Variants in DNAI2 observed in about 807,000 individuals in gnomAD.
DNAI2 encodes the protein dynein axonemal intermediate chain 2, also known as dynein, axonemal, intermediate polypeptide 2.
DNAI2 carries 63 observed loss-of-function variants against 74.7 expected under a neutral mutation model. That is an observed-to-expected ratio of 0.84 (90% CI 0.69 to 1.04). DNAI2 has a LOEUF of 1.04. Ranked by LOEUF, DNAI2 falls within the 50% of genes least tolerant of loss-of-function variation. DNAI2 has a pLI of 0.00. For missense variants in DNAI2, 688 were observed against 803.2 expected, an observed-to-expected ratio of 0.86 and a Z score of 1.73; for synonymous variants, 289 against 314.9, an observed-to-expected ratio of 0.92 and a Z score of 0.87.
At chr17:74,307,289 G>A (rs1438105667) in intron 9 of DNAI2, 2 of 456,168 alleles carry the variant, frequency 4.4e-6, no homozygotes, top group Non-Finnish European at 8.8e-6. Flanking sequence ...GGTTCCTAGA[G>A]GGACTTGGTG....
rs1448362611 is a variant in DNAI2 at position 74,299,718 on chromosome 17, C to T, written c.725C>T (p.Ala242Val). The change falls in exon 7 of 14, where the codon GCC (alanine) becomes GTC (valine). Residue 242 changes from alanine (A) to valine (V), a missense_variant and splice_region_variant. By Grantham distance (64) the Ala-to-Val change is moderately conservative (BLOSUM62 0). Coordinates refer to ENST00000311014, the MANE Select transcript of DNAI2 (RefSeq NM_023036.6). ...LLGGCYNGQI[A>V]CWDTRKGSLV... ...CCTTCTTCATCTCCTTCCTCACCAGCCTGCTGGGACACCCGAAAGGGCAGC... is the reference window on the plus strand; with the variant it reads ...CCTTCTTCATCTCCTTCCTCACCAGTCTGCTGGGACACCCGAAAGGGCAGC... The T allele has an allele frequency of 4.3e-6, 7 of 1,613,532 alleles. No individual in the cohort carries two copies. Among genetic ancestry groups the T allele is most frequent in the Non-Finnish European group, 5.9e-6 (7 of 1,180,034 alleles).
At position 74,281,706 on chromosome 17, in the gene DNAI2, C is replaced by T. The variant is rs1250008353; in HGVS notation, c.-11-101C>T. On this transcript the variant is annotated intron_variant, in intron 1 of 13. Transcript: ENST00000311014. ...CTCCCCACCACCCCTTGCTTCCTGC[C>T]CCAACCAGATTGAGAACCTGGAGCT... is the stretch of plus-strand genomic sequence containing the variant. 2.5e-6 allele frequency: 3 copies of T among 1,221,404 alleles called. No individual in the cohort carries two copies. The African/African-American group carries it at 4.5e-5, about 18-fold the overall frequency. The allele number at this position is 1,221,404 out of a possible 1,614,324, so 75.7% of individuals were successfully genotyped here.
At chr17:74,294,168 C>T (rs377451242) in intron 6 of DNAI2, among the ~76,000 whole-genome samples, 2 of 150,886 alleles carry the variant, frequency 1.3e-5, no homozygotes, top group East Asian at 3.9e-4. Context: ...AATTTAATTA[C>T]TGATAAAGTT....
At chr17:74,305,500 G>C in intron 9 of DNAI2, 58 bp downstream of exon 9, 1 of 1,522,392 alleles carries the variant, frequency 6.6e-7, no homozygotes, top group South Asian at 1.1e-5. Context: ...GATGGAGGGA[G>C]CCCAGCTGGG....
At chr17:74,292,409 CT>C (rs2052164673) in intron 6 of DNAI2, among the ~76,000 whole-genome samples, 1 of 115,446 alleles carries the variant, frequency 8.7e-6, no homozygotes, top group Non-Finnish European at 1.7e-5. Context: ...TAATCATTTT[CT>C]TTTTCTTTTT....
rs200358267 is a variant in DNAI2, at chr17:74,285,175, G to T, written c.319G>T (p.Val107Phe). The T allele has an allele frequency of 1.2e-6, 2 of 1,614,076 alleles. No individual in the cohort carries two copies. The highest frequency in any genetic ancestry group is 2.7e-5 in the African/African-American group (2 of 74,930). ...GAAAGTGGAGAAAGATGAGAACTAC[G>T]TTAACGCCATCATGCAGCTCGGCTC... ...RKKVEKDENYVNAIMQLGSIM... is the reference protein window; with the variant it reads ...RKKVEKDENYFNAIMQLGSIM... The change falls in exon 3 of 14, where the codon GTT (valine) becomes TTT (phenylalanine). Residue 107 changes from valine (V) to phenylalanine (F), a missense_variant. Val to Phe is a conservative substitution (Grantham distance 50). Transcript: ENST00000311014.
At chr17:74,283,962 AC>A (rs1158979032) in intron 2 of DNAI2, among the ~76,000 whole-genome samples, 1 of 151,932 alleles carries the variant, frequency 6.6e-6, no homozygotes, top group Admixed American at 6.6e-5. Context: ...ACATGGTGAA[AC>A]CCCGTCTCTA....
In DNAI2 at chr17:74,289,589, T is replaced by C. The variant is rs1460488048; in HGVS notation, c.468-5T>C. On this transcript the variant is annotated splice_region_variant and splice_polypyrimidine_tract_variant and intron_variant, in intron 4 of 13. Coordinates refer to ENST00000311014, the MANE Select transcript of DNAI2 (RefSeq NM_023036.6). ...GCCTTCTGCTCTCTTCCCTCTCCCC[T>C]GCAGGGACCCCCAGGAAATCAAGAG... The C allele has an allele frequency of 5.0e-6, 8 of 1,612,852 alleles. No individual in the cohort carries two copies. Among genetic ancestry groups the C allele is most frequent in the African/African-American group, 1.3e-5 (1 of 74,616 alleles).
intron 1 of DNAI2, among the ~76,000 whole-genome samples, chr17:74,280,835 C>T (rs1223684996): frequency 6.6e-6 from 1 of 151,974 alleles, no homozygotes; most frequent in Non-Finnish European, 1.5e-5. Flanking sequence ...ACCTGTAATC[C>T]CAGCACTTTG....
chr17:74,295,324 C>T (rs777295125), intron 6 of DNAI2, among the ~76,000 whole-genome samples: 73 of 151,472 alleles, frequency 4.8e-4, no homozygotes, highest in Non-Finnish European at 4.3e-4. Context: ...ATTGCTTGAA[C>T]CCAGGAGGCA....
chr17:74,282,899 A>G (rs1422535989), intron 2 of DNAI2, among the ~76,000 whole-genome samples: 3 of 152,178 alleles, frequency 2.0e-5, no homozygotes, highest in Non-Finnish European at 4.4e-5. Context: ...CACAGTTCAA[A>G]TGAATTAGGT....
chr17:74,277,708 A>G lies in DNAI2; in HGVS notation c.-12+3363A>G, dbSNP rs2051181328. Among the ~76,000 whole-genome samples, 3 of 152,316 alleles carry G rather than the reference A, an allele frequency of 2.0e-5. 1 individual carries two copies. Among genetic ancestry groups the G allele is most frequent in the South Asian group, 4.1e-4 (2 of 4,832 alleles). On this transcript the variant is annotated intron_variant, in intron 1 of 13. Coordinates refer to ENST00000311014, the MANE Select transcript of DNAI2 (RefSeq NM_023036.6). ...AGGCGGGAGAGGGTAGGTAAGACAC[A>G]GGTCTGGTAGTCATGTTCACCTAGG...
intron 1 of DNAI2, among the ~76,000 whole-genome samples, chr17:74,277,668 G>T (rs1210663787): frequency 6.6e-6 from 1 of 152,250 alleles, no homozygotes; most frequent in African/African-American, 2.4e-5. Flanking sequence ...CTGGTCTGGT[G>T]CCTTGTAGCC....
At chr17:74,281,010 C>T (rs2051355614) in intron 1 of DNAI2, among the ~76,000 whole-genome samples, 1 of 143,722 alleles carries the variant, frequency 7.0e-6, no homozygotes, top group African/African-American at 2.7e-5. Flanking sequence ...ATCACTTGAG[C>T]CCGGGGGTTG....
intron 1 of DNAI2, among the ~76,000 whole-genome samples, chr17:74,277,837 G>A (rs2051186640): frequency 6.6e-6 from 1 of 152,230 alleles, no homozygotes; most frequent in African/African-American, 2.4e-5. Flanking sequence ...GAAGATCCCA[G>A]GTTTCAGAAA....
chr17:74,307,657 C>T lies in DNAI2; in HGVS notation c.1212-1596C>T, dbSNP rs577659287. Among the ~76,000 whole-genome samples, 141 of 150,604 alleles carry T rather than the reference C, an allele frequency of 9.4e-4. 1 individual carries two copies. The highest frequency in any genetic ancestry group is 3.3e-3 in the African/African-American group (135 of 40,988). The stretch of plus-strand genomic sequence containing the variant: ...CAGCCTGGGCGACAGAGTGAGACTC[C>T]GTCTCAAAAAAAAATAATATTTGGC... On this transcript the variant is annotated intron_variant, in intron 9 of 13. Transcript: ENST00000311014.
intron 3 of DNAI2, among the ~76,000 whole-genome samples, chr17:74,286,715 G>A (rs148391075): frequency 1.1e-3 from 171 of 152,196 alleles, no homozygotes; most frequent in African/African-American, 3.6e-3. Context: ...GTGAGCCACC[G>A]CACCCAGCCC....
intron 6 of DNAI2, among the ~76,000 whole-genome samples, chr17:74,296,378 A>AGG (rs1301058147): frequency 0.018 from 1,839 of 100,708 alleles, 57 homozygotes; most frequent in African/African-American, 0.053. Context: ...GGAGGGAGGG[A>AGG]GGGAGAGAGA....
intron 12 of DNAI2, among the ~76,000 whole-genome samples, chr17:74,312,805 A>G (rs551899473): frequency 6.6e-6 from 1 of 152,338 alleles, no homozygotes; most frequent in East Asian, 1.9e-4. Context: ...GTTGCTATAA[A>G]GATGGTGTCT....
Sources: gnomAD v4.1 joint callset for allele counts (sites outside exome capture counted in the v4.1 genomes callset) on GRCh38, gnomAD v4.1.1 for gene constraint, MANE v1.5 for transcripts, NCBI Gene and HGNC (gene_info 2026-07-23, HGNC 2026-07-21) for gene names.